ANKRD36: variants seen among roughly 807,000 people sequenced by gnomAD.
The protein encoded by ANKRD36 is ankyrin repeat domain 36.
A neutral mutation model predicts 278.1 loss-of-function variants in ANKRD36; 179 were observed. That is an observed-to-expected ratio of 0.64 (90% CI 0.57 to 0.73). The LOEUF (loss-of-function observed/expected upper bound fraction) is 0.73. ANKRD36 is among the 30% of genes least tolerant of loss of function. ANKRD36 has a pLI of 0.00. For missense variants in ANKRD36, 1,159 were observed against 1,956.7 expected (o/e 0.59, Z 7.69); for synonymous variants, 320 against 641.1 (o/e 0.50, Z 7.57).
At chr2:97,149,648 G>C (rs1223020141) in intron 12 of ANKRD36, among the ~76,000 whole-genome samples, 21 of 149,270 alleles carry the variant, frequency 1.4e-4, no homozygotes, top group African/African-American at 3.7e-4. Context: ...TCCCACAGTA[G>C]AGGATATACA....
At chr2:97,242,271 A>G (rs1390739006) in intron 69 of ANKRD36, among the ~76,000 whole-genome samples, 1 of 148,032 alleles carries the variant, frequency 6.8e-6, no homozygotes, top group African/African-American at 2.5e-5. Flanking sequence ...GCCCAGTGAT[A>G]GTAGGAGACT....
At chr2:97,133,982 CTATAAAGCTGGACAAATG>C (rs1168656783) in intron 6 of ANKRD36, among the ~76,000 whole-genome samples, 1 of 151,740 alleles carries the variant, frequency 6.6e-6, no homozygotes, top group Non-Finnish European at 1.5e-5. Flanking sequence ...ATTGTACCTT[CTATAAAGCTGGACAAATG>C]TATAATAAAT....
chr2:97,262,964 T>A (rs1406646594), intron 75 of ANKRD36, among the ~76,000 whole-genome samples: 1 of 144,466 alleles, frequency 6.9e-6, no homozygotes, highest in Non-Finnish European at 1.5e-5. Flanking sequence ...TCTCAGCTAA[T>A]TTTTTATAGC....
At chr2:97,130,658 G>C (rs1251544868) in intron 6 of ANKRD36, among the ~76,000 whole-genome samples, 1 of 151,652 alleles carries the variant, frequency 6.6e-6, no homozygotes, top group African/African-American at 2.4e-5. Context: ...TAATGTCATG[G>C]AGAAAAATAT....
rs200665499 is a variant in ANKRD36 at position 97,149,338 on chromosome 2, A to G, written c.1078A>G (p.Asn360Asp). ...TGCTGTTGCACAGCCTGTGACAGAG[A>G]ATGAGTTTTCTTTGGAATCTGAGGT... Reference protein sequence around the residue: ...PDAVAQPVTENEFSLESEIIS... With the variant: ...PDAVAQPVTEDEFSLESEIIS... The change falls in exon 12 of 76, where the codon AAT becomes GAT. Residue 360 changes from asparagine to aspartate, a missense_variant. Physicochemically the swap from Asn to Asp is conservative, Grantham distance 23 (BLOSUM62 1). Coordinates refer to ENST00000420699, the MANE Select transcript of ANKRD36 (RefSeq NM_001354587.1). The G allele has an allele frequency of 5.2e-6, 8 of 1,533,612 alleles. No individual in the cohort carries two copies. The highest frequency in any genetic ancestry group is 4.9e-5 in the East Asian group (2 of 40,450).
rs3866779 is a variant in ANKRD36 at position 97,113,661 on chromosome 2, C to T, written c.-79C>T. ...AGGTCCGTGGACAGACTGCTTTGCT[C>T]GTTGTTGCTCTTCGGAGGCGGCGAT... On this transcript the variant is annotated 5_prime_UTR_variant, in exon 1 of 76. Coordinates refer to ENST00000420699, the MANE Select transcript of ANKRD36 (RefSeq NM_001354587.1). 147 of 1,577,992 alleles carry T rather than the reference C, an allele frequency of 9.3e-5. 2 individuals carry two copies. Among genetic ancestry groups the T allele is most frequent in the Admixed American group, 5.0e-4 (29 of 58,202 alleles).
At chr2:97,200,573 G>A (rs1322384873) in intron 46 of ANKRD36, 48 bp downstream of exon 46, 9 of 1,537,580 alleles carry the variant, frequency 5.9e-6, no homozygotes, top group African/African-American at 1.4e-5. Flanking sequence ...CAGATAAGAA[G>A]TTCTCTTCCC....
At chr2:97,122,007 ATCTCTATTAAT>A (rs1176722884) in intron 3 of ANKRD36, among the ~76,000 whole-genome samples, 1 of 142,130 alleles carries the variant, frequency 7.0e-6, no homozygotes, top group African/African-American at 2.5e-5. Context: ...CTCGAAGCCT[ATCTCTATTAAT>A]TCAGAGCCCG....
At chr2:97,150,225 A>G (rs2045548222) in intron 12 of ANKRD36, among the ~76,000 whole-genome samples, 1 of 151,760 alleles carries the variant, frequency 6.6e-6, no homozygotes. Flanking sequence ...GACTCTTCAT[A>G]TTTTATGGTC....
intron 56 of ANKRD36, 91 bp from the exon 57 acceptor site, chr2:97,211,455 G>A (rs1558824765): frequency 9.1e-6 from 14 of 1,544,290 alleles, no homozygotes; most frequent in Non-Finnish European, 1.1e-5. Context: ...TACAGGCTGG[G>A]GGACAGAGTT....
chr2:97,201,419 G>A (rs2061346622), intron 46 of ANKRD36, among the ~76,000 whole-genome samples: 1 of 151,894 alleles, frequency 6.6e-6, no homozygotes, highest in Non-Finnish European at 1.5e-5. Context: ...ATGAATATTG[G>A]AATGATTTCT....
intron 75 of ANKRD36, among the ~76,000 whole-genome samples, chr2:97,261,461 C>T (rs2076753314): frequency 7.5e-6 from 1 of 133,962 alleles, no homozygotes; most frequent in Non-Finnish European, 1.5e-5. Flanking sequence ...CCACAACCTC[C>T]GTGGTTAGTG....
chr2:97,197,492 A>C (rs1211855801), intron 42 of ANKRD36, among the ~76,000 whole-genome samples: 3 of 151,940 alleles, frequency 2.0e-5, no homozygotes, highest in Non-Finnish European at 4.4e-5. Context: ...GATTTTAGTT[A>C]TAGAAATGAG....
chr2:97,192,236 G>T (rs1235866655), intron 36 of ANKRD36, among the ~76,000 whole-genome samples: 1 of 151,732 alleles, frequency 6.6e-6, no homozygotes, highest in Admixed American at 6.6e-5. Context: ...GGCTAAACTA[G>T]TGGATACAAG....
intron 75 of ANKRD36, among the ~76,000 whole-genome samples, chr2:97,258,059 CT>C (rs1444923436): frequency 2.2e-3 from 279 of 128,012 alleles, no homozygotes; most frequent in African/African-American, 7.1e-3. Flanking sequence ...GATAAAATTG[CT>C]TTACAAACCA....
At chr2:97,150,980 A>G (rs1172086235) in intron 12 of ANKRD36, among the ~76,000 whole-genome samples, 1 of 152,156 alleles carries the variant, frequency 6.6e-6, no homozygotes, top group Non-Finnish European at 1.5e-5. Context: ...TAGTAAACAA[A>G]TGAAACTCTT....
rs1383811594 is a variant in ANKRD36 at position 97,176,398 on chromosome 2, T to G, written c.1634-3340T>G. Among the ~76,000 whole-genome samples the G allele has an allele frequency of 2.0e-5, 3 of 147,460 alleles. No homozygotes were observed. In the East Asian group the frequency reaches 5.9e-4, roughly 29 times the overall value. The stretch of plus-strand genomic sequence containing the variant: ...ATGTAATGGCCTTCTTTGTCTCTTT[T>G]GATCTTTGTTGGTTAAAAGTCTGTT... On this transcript the variant is annotated intron_variant, in intron 22 of 75. Coordinates refer to ENST00000420699, the MANE Select transcript of ANKRD36 (RefSeq NM_001354587.1).
In ANKRD36 at chr2:97,234,972, T is replaced by TA. The variant is rs1242340010; in HGVS notation, c.4093+1101_4093+1102insA. Among the ~76,000 whole-genome samples, 38 of 138,572 alleles carry TA rather than the reference T, an allele frequency of 2.7e-4. No homozygotes were observed. The East Asian group carries it at 8.9e-3, about 32-fold the overall frequency. The allele number at this position is 138,572 out of a possible 152,430, so 90.9% of individuals were successfully genotyped here. A position where few individuals can be genotyped will look rare whatever the true frequency, so the allele number is the denominator to read the frequency against. ...TTTTGCCAGTTTTTGGGTTGACTTT[T>TA]CACTTGCTTTGTAGTATCTTTTGAA... is the stretch of plus-strand genomic sequence containing the variant. On this transcript the variant is annotated intron_variant, in intron 68 of 75. Coordinates refer to ENST00000420699, the MANE Select transcript of ANKRD36 (RefSeq NM_001354587.1).
At chr2:97,205,090 A>T (rs1352561876) in intron 50 of ANKRD36, among the ~76,000 whole-genome samples, 1 of 151,548 alleles carries the variant, frequency 6.6e-6, no homozygotes, top group East Asian at 2.0e-4. Flanking sequence ...CAACAAGGGT[A>T]TTTTAGAAAC....
Sources: allele counts gnomAD v4.1 joint callset (sites outside exome capture counted in the v4.1 genomes callset), GRCh38; gene constraint gnomAD v4.1.1; transcripts MANE v1.5; gene names NCBI Gene and HGNC (gene_info 2026-07-23, HGNC 2026-07-21).